Variants in RAB27B observed in about 807,000 individuals in gnomAD.
RAB27B encodes RAB27B, member RAS oncogene family, also known as ras-related protein Rab-27B.
Under a neutral mutation model 24.6 loss-of-function variants are expected in RAB27B, and 15 were observed. The observed-to-expected ratio is 0.61, with a 90% CI of 0.41 to 0.94. RAB27B has a LOEUF of 0.94. Among genes scored for constraint, RAB27B ranks in the 40% least tolerant of loss-of-function variants. The pLI is 0.00. For missense variants in RAB27B, 261 were observed against 266.8 expected, an observed-to-expected ratio of 0.98 and a Z score of 0.15; for synonymous variants, 105 against 92.5, an observed-to-expected ratio of 1.14 and a Z score of -0.78.
intron 2 of RAB27B, among the ~76,000 whole-genome samples, chr18:54,723,853 A>G (rs527975238): frequency 6.6e-6 from 1 of 152,346 alleles, no homozygotes; most frequent in South Asian, 2.1e-4. Flanking sequence ...GATTCCTTCC[A>G]GTGTCACTAC....
intron 2 of RAB27B, among the ~76,000 whole-genome samples, chr18:54,791,616 C>T (rs918499354): frequency 5.9e-5 from 9 of 152,144 alleles, no homozygotes; most frequent in Non-Finnish European, 1.2e-4. Context: ...TCCACCTCCA[C>T]GGACCTAGGT....
rs1267526082 is a variant in RAB27B at position 54,895,292 on chromosome 18, T to A, written c.*5879T>A. 1 of 152,074 alleles carries A rather than the reference T, an allele frequency of 6.6e-6. No homozygotes were observed. Among genetic ancestry groups the A allele is most frequent in the Non-Finnish European group, 1.5e-5 (1 of 67,980 alleles). 9.4% of individuals were successfully genotyped at this position (152,074 alleles called of 1,614,324 possible). A position where few individuals can be genotyped will look rare whatever the true frequency, so the allele number is the denominator to read the frequency against. ...TTTGTCTAGTGCTATGAATGTAACT[T>A]AAAACTATAAACTTGAAGTTTTTAT... is the stretch of plus-strand genomic sequence containing the variant. On this transcript the variant is annotated 3_prime_UTR_variant, in exon 6 of 6. Coordinates refer to ENST00000262094, the MANE Select transcript of RAB27B (RefSeq NM_004163.4).
chr18:54,724,920 A>G (rs1353387431), intron 2 of RAB27B, among the ~76,000 whole-genome samples: 1 of 151,542 alleles, frequency 6.6e-6, no homozygotes, highest in African/African-American at 2.4e-5. Flanking sequence ...CTTACTTATG[A>G]TCTGTTGTTA....
At chr18:54,811,895 A>G (rs986622870) in intron 2 of RAB27B, among the ~76,000 whole-genome samples, 1 of 152,188 alleles carries the variant, frequency 6.6e-6, no homozygotes, top group Non-Finnish European at 1.5e-5. Context: ...CTTTCATAAG[A>G]CATTCACTCA....
chr18:54,763,384 A>G (rs1003129749), intron 2 of RAB27B, among the ~76,000 whole-genome samples: 12 of 152,194 alleles, frequency 7.9e-5, no homozygotes, highest in African/African-American at 1.9e-4. Flanking sequence ...TTCCAAAACC[A>G]TAAATTGCTA....
At chr18:54,866,653 G>C (rs1163627846) in intron 1 of RAB27B, among the ~76,000 whole-genome samples, 2 of 152,194 alleles carry the variant, frequency 1.3e-5, no homozygotes, top group Non-Finnish European at 2.9e-5. Flanking sequence ...TACCTGTGAC[G>C]GGGAGGGGAA....
chr18:54,821,245 GACAA>G (rs748893928), intron 2 of RAB27B, among the ~76,000 whole-genome samples: 9 of 152,260 alleles, frequency 5.9e-5, no homozygotes, highest in Admixed American at 2.0e-4. Flanking sequence ...ACAAATAACA[GACAA>G]ACAGAGAGCC....
intron 1 of RAB27B, among the ~76,000 whole-genome samples, chr18:54,852,840 A>G (rs117431275): frequency 3.0e-3 from 460 of 152,320 alleles, no homozygotes; most frequent in Non-Finnish European, 5.2e-3. Context: ...ACTAAGGGTG[A>G]ATATCTTGTT....
At chr18:54,793,585 C>T (rs569477270) in intron 2 of RAB27B, among the ~76,000 whole-genome samples, 1 of 152,292 alleles carries the variant, frequency 6.6e-6, no homozygotes, top group South Asian at 2.1e-4. Flanking sequence ...TTCCAATGTT[C>T]ATTTCTTAGG....
Position 54,889,225 on chromosome 18 carries a change from A to G in RAB27B, c.469A>G (p.Ile157Val), listed in dbSNP as rs1276454890. Residue 157 changes from isoleucine (I) to valine (V), a missense_variant and splice_region_variant, in exon 6 of 6, where the codon ATA becomes GTA. Transcript: ENST00000262094. ...QARELADKYGIPYFETSAATG... is the reference protein window; with the variant it reads ...QARELADKYGVPYFETSAATG... Reference sequence around the variant, plus strand: ...TATTTGCCATCCTTTCTATGCTAGCATACCATATTTTGAAACAAGTGCAGC... The same window carrying G: ...TATTTGCCATCCTTTCTATGCTAGCGTACCATATTTTGAAACAAGTGCAGC... 6.2e-6 allele frequency: 10 copies of G among 1,607,284 alleles called. No homozygotes were observed. The highest frequency in any genetic ancestry group is 1.7e-5 in the Admixed American group (1 of 59,012).
intron 2 of RAB27B, among the ~76,000 whole-genome samples, chr18:54,761,567 C>T (rs1908190434): frequency 6.6e-6 from 1 of 152,142 alleles, no homozygotes; most frequent in Non-Finnish European, 1.5e-5. Flanking sequence ...TCAGTTTATC[C>T]TCTTTTCACA....
At position 54,892,293 on chromosome 18, in the gene RAB27B, C is replaced by T. The variant is rs1025390720; in HGVS notation, c.*2880C>T. 1 of 152,034 alleles carries T rather than the reference C, an allele frequency of 6.6e-6. No individual in the cohort carries two copies. The highest frequency in any genetic ancestry group is 1.5e-5 in the Non-Finnish European group (1 of 67,968). The allele number at this position is 152,034 out of a possible 1,614,324, so 9.4% of individuals were successfully genotyped here. A position where few individuals can be genotyped will look rare whatever the true frequency, so the allele number is the denominator to read the frequency against. ...CTCTAACTCGGTGCCTCAGATACCT[C>T]TGTGACCAAATTTGTCTCCAACCAC... On this transcript the variant is annotated 3_prime_UTR_variant, in exon 6 of 6. Coordinates refer to ENST00000262094, the MANE Select transcript of RAB27B (RefSeq NM_004163.4).
At chr18:54,769,693 A>G (rs763630409) in intron 2 of RAB27B, among the ~76,000 whole-genome samples, 1 of 152,192 alleles carries the variant, frequency 6.6e-6, no homozygotes, top group Non-Finnish European at 1.5e-5. Context: ...TTTTATATAC[A>G]TGATTAAGTT....
intron 2 of RAB27B, among the ~76,000 whole-genome samples, chr18:54,818,819 A>G (rs1910201878): frequency 6.6e-6 from 1 of 152,216 alleles, no homozygotes; most frequent in Admixed American, 6.5e-5. Context: ...TTGTATCTTT[A>G]TCCTAATCGT....
intron 2 of RAB27B, among the ~76,000 whole-genome samples, chr18:54,771,411 T>G (rs1814982711): frequency 6.6e-6 from 1 of 152,166 alleles, no homozygotes; most frequent in Non-Finnish European, 1.5e-5. Flanking sequence ...TCTGTGCCAT[T>G]CATGATGAGA....
intron 2 of RAB27B, among the ~76,000 whole-genome samples, chr18:54,809,115 G>A (rs1909884570): frequency 6.6e-6 from 1 of 152,158 alleles, no homozygotes; most frequent in Non-Finnish European, 1.5e-5. Context: ...CTAGTAGAAA[G>A]TTGTAATAGG....
intron 2 of RAB27B, among the ~76,000 whole-genome samples, chr18:54,765,879 T>A (rs1908345352): frequency 6.6e-6 from 1 of 152,324 alleles, no homozygotes; most frequent in African/African-American, 2.4e-5. Flanking sequence ...TTGTGGGAGA[T>A]TAGTTGTTTC....
chr18:54,770,120 C>T (rs926134431), intron 2 of RAB27B, among the ~76,000 whole-genome samples: 1 of 152,166 alleles, frequency 6.6e-6, no homozygotes, highest in African/African-American at 2.4e-5. Flanking sequence ...TCTGGAATTA[C>T]ACGTGTGAGC....
chr18:54,746,357 G>A (rs1056623961), intron 2 of RAB27B, among the ~76,000 whole-genome samples: 1 of 152,092 alleles, frequency 6.6e-6, no homozygotes, highest in African/African-American at 2.4e-5. Flanking sequence ...GCTATTGGGA[G>A]GATTTGTGGT....
Sources: gnomAD v4.1 joint callset for allele counts (sites outside exome capture counted in the v4.1 genomes callset) on GRCh38, gnomAD v4.1.1 for gene constraint, MANE v1.5 for transcripts, NCBI Gene and HGNC (gene_info 2026-07-23, HGNC 2026-07-21) for gene names.